Variants in ANTXRL observed in about 807,000 individuals in gnomAD.
The protein encoded by ANTXRL is ANTXR like.
Under a neutral mutation model 75.4 loss-of-function variants are expected in ANTXRL, and 63 were observed. The ratio of observed to expected loss-of-function variants is 0.84; its 90% CI spans 0.68 to 1.03. The LOEUF is 1.03. Among genes scored for constraint, ANTXRL ranks in the 50% least tolerant of loss-of-function variants. The pLI is 0.00. For synonymous variants in ANTXRL, 335 were observed against 291.3 expected (o/e 1.15, Z -1.53); for missense variants, 797 against 789.4 (o/e 1.01, Z -0.12).
intron 16 of ANTXRL, 48 bp from the exon 17 acceptor site, chr10:46,329,551 A>C (rs539034638): frequency 2.6e-6 from 4 of 1,514,984 alleles, no homozygotes; most frequent in Middle Eastern, 1.7e-4. Context: ...TTCTGAGCCC[A>C]GTTCGAATGC....
intron 11 of ANTXRL, 41 bp from the exon 12 acceptor site, chr10:46,307,361 C>A: frequency 7.1e-7 from 1 of 1,405,210 alleles, no homozygotes; most frequent in South Asian, 1.2e-5. Context: ...AACTGCATCT[C>A]TCTGGACTGG....
Position 46,310,139 on chromosome 10 carries a change from C to T in ANTXRL, c.1135-322C>T, listed in dbSNP as rs1488536702. ...CCCTAAGGAAGGGAAGTGGGGCGAACGCTGTCTTCTCCATGTGGCTGTGGG... is the reference window on the plus strand; with the variant it reads ...CCCTAAGGAAGGGAAGTGGGGCGAATGCTGTCTTCTCCATGTGGCTGTGGG... On this transcript the variant is annotated intron_variant, in intron 13 of 16. Transcript: ENST00000620264. 3.9e-5 allele frequency among the ~76,000 whole-genome samples: 6 copies of T among 152,210 alleles called. 1 individual carries two copies. The highest frequency in any genetic ancestry group is 1.9e-4 in the East Asian group (1 of 5,164).
At chr10:46,312,572 A>G (rs1838491160) in intron 15 of ANTXRL, among the ~76,000 whole-genome samples, 1 of 145,002 alleles carries the variant, frequency 6.9e-6, no homozygotes, top group Non-Finnish European at 1.5e-5. Flanking sequence ...CTCAGTGGGC[A>G]TCTGGGGAAG....
At chr10:46,291,918 C>A in intron 1 of ANTXRL, 140 bp from the exon 2 acceptor site, 1 of 734,712 alleles carries the variant, frequency 1.4e-6, no homozygotes, top group South Asian at 1.7e-5. Context: ...CCAGTGGCCA[C>A]TGGGGGTGTA....
At chr10:46,323,409 C>CA (rs1839070355) in intron 16 of ANTXRL, among the ~76,000 whole-genome samples, 2 of 152,138 alleles carry the variant, frequency 1.3e-5, no homozygotes, top group Non-Finnish European at 2.9e-5. Context: ...AGAGTTAATA[C>CA]AATAGCAGCG....
chr10:46,287,519 C>G lies in ANTXRL; in HGVS notation c.248+9C>G. The G allele has an allele frequency of 6.5e-7, 1 of 1,533,610 alleles. No individual in the cohort carries two copies. Among genetic ancestry groups the G allele is most frequent in the Non-Finnish European group, 8.7e-7 (1 of 1,145,538 alleles). ...TACTTCATCTTGGACAAGTGAGTGT[C>G]CCTTCTAGCTCTGGCCCTGGGTCAC... is the stretch of plus-strand genomic sequence containing the variant. On this transcript the variant is annotated intron_variant, in intron 1 of 16. Coordinates refer to ENST00000620264, the MANE Select transcript of ANTXRL (RefSeq NM_001278688.3).
chr10:46,309,225 G>A, intron 13 of ANTXRL, 23 bp downstream of exon 13: 1 of 1,535,520 alleles, frequency 6.5e-7, no homozygotes, highest in Non-Finnish European at 8.7e-7. Context: ...TGCCCGCCCA[G>A]CTCTGGGGCC....
rs1247352648 is a variant in ANTXRL, at chr10:46,327,802, G to C, written c.1411-1797G>C. ...TCAGGCTGAGACTGGCCTGGCAGGA[G>C]ACCCCTGGGATTCCAGGCAGCCGGG... On this transcript the variant is annotated intron_variant, in intron 16 of 16. Transcript: ENST00000620264. 6.6e-5 allele frequency among the ~76,000 whole-genome samples: 10 copies of C among 152,254 alleles called. No homozygotes were observed. The South Asian group carries it at 1.0e-3, about 16-fold the overall frequency.
At chr10:46,327,482 C>T (rs1376365860) in intron 16 of ANTXRL, among the ~76,000 whole-genome samples, 4 of 152,030 alleles carry the variant, frequency 2.6e-5, no homozygotes, top group Non-Finnish European at 5.9e-5. Context: ...CAGCTGCAGA[C>T]ACAGGTGGCT....
chr10:46,304,360 G>A (rs1434114186), intron 10 of ANTXRL, among the ~76,000 whole-genome samples: 3 of 152,104 alleles, frequency 2.0e-5, no homozygotes. Context: ...GCATAATCAG[G>A]GAGGTAAAGA....
At chr10:46,313,050 C>T (rs2132833618) in intron 15 of ANTXRL, among the ~76,000 whole-genome samples, 186 bp from the exon 16 acceptor site, 1 of 152,206 alleles carries the variant, frequency 6.6e-6, no homozygotes, top group South Asian at 2.1e-4. Flanking sequence ...GATTCCAAAA[C>T]TCTCTGTGGC....
In ANTXRL at chr10:46,293,918, C is replaced by A; in HGVS notation, c.392+18C>A. ...TCAGACAAGTGAGTGCTGCTTTGAG[C>A]CCCAAAGGGAGGCCTGATGAGCTTG... is the stretch of plus-strand genomic sequence containing the variant. On this transcript the variant is annotated intron_variant, in intron 3 of 16. Transcript: ENST00000620264. 6.5e-7 allele frequency: 1 copy of A among 1,534,778 alleles called. No homozygotes were observed. Among genetic ancestry groups the A allele is most frequent in the South Asian group, 1.2e-5 (1 of 84,006 alleles).
intron 12 of ANTXRL, chr10:46,308,506 C>A (rs1838235127): frequency 2.2e-6 from 1 of 448,534 alleles, no homozygotes; most frequent in Non-Finnish European, 4.5e-6. Context: ...GAGCAGCCTG[C>A]CTTCCCACGG....
chr10:46,310,226 C>T (rs1434197445), intron 13 of ANTXRL, among the ~76,000 whole-genome samples: 2 of 152,008 alleles, frequency 1.3e-5, no homozygotes, highest in East Asian at 1.9e-4. Context: ...CCTGGCTGAC[C>T]CCTAGGAACC....
At chr10:46,324,640 C>A (rs782145530) in intron 16 of ANTXRL, among the ~76,000 whole-genome samples, 1 of 152,108 alleles carries the variant, frequency 6.6e-6, no homozygotes, top group Admixed American at 6.5e-5. Flanking sequence ...TTAGAATAAC[C>A]AGTTTGGACC....
intron 1 of ANTXRL, among the ~76,000 whole-genome samples, chr10:46,290,234 G>A (rs1468372428): frequency 6.6e-6 from 1 of 152,008 alleles, no homozygotes; most frequent in Non-Finnish European, 1.5e-5. Context: ...AGTACATACA[G>A]GGTTTCACCA....
chr10:46,297,796 T>C, intron 7 of ANTXRL, 35 bp from the exon 8 acceptor site: 3 of 1,518,108 alleles, frequency 2.0e-6, no homozygotes, highest in Non-Finnish European at 2.7e-6. Context: ...CCTCACCTCC[T>C]GGTGGGGAGT....
At chr10:46,317,361 T>C (rs1427197242) in intron 16 of ANTXRL, among the ~76,000 whole-genome samples, 4 of 152,196 alleles carry the variant, frequency 2.6e-5, no homozygotes, top group African/African-American at 9.7e-5. Context: ...AATATTAATA[T>C]CTTGATTTCA....
chr10:46,296,042 A>C lies in ANTXRL; in HGVS notation c.416A>C (p.Asp139Ala). 6.5e-7 allele frequency: 1 copy of C among 1,535,856 alleles called. No homozygotes were observed. The highest frequency in any genetic ancestry group is 1.2e-5 in the South Asian group (1 of 84,040). ...SDKNRIKNGL[D>A]QLQKIVPDGH... ...AGGAATAGAATAAAAAACGGTCTTG[A>C]CCAACTTCAGAAAATTGTGCCTGAC... Residue 139 changes from aspartate to alanine, a missense_variant, in exon 4 of 17, where the codon GAC becomes GCC. Physicochemically the swap from Asp to Ala is moderately radical, Grantham distance 126 (BLOSUM62 -2). Around this residue, in one of 3 missense-constraint regions of ANTXRL, gnomAD observed 262 missense variants for 271.9 expected, o/e 0.96. Transcript: ENST00000620264.
Sources: allele counts gnomAD v4.1 joint callset (sites outside exome capture counted in the v4.1 genomes callset), GRCh38; gene constraint gnomAD v4.1.1; regional missense constraint gnomAD v4.1.1; transcripts MANE v1.5; gene names NCBI Gene and HGNC (gene_info 2026-07-23, HGNC 2026-07-21).